KIAA0513: variants seen among roughly 807,000 people sequenced by gnomAD.
KIAA0513 encodes the protein KIAA0513.
Under a neutral mutation model 56.5 loss-of-function variants are expected in KIAA0513, and 39 were observed. That is an observed-to-expected ratio of 0.69 (90% confidence interval 0.53 to 0.90). The LOEUF (loss-of-function observed/expected upper bound fraction) is 0.90, where lower values mean the gene tolerates loss of function less well. Ranked by LOEUF, KIAA0513 falls within the 40% of genes least tolerant of loss-of-function variation. The pLI, the probability that KIAA0513 is intolerant of heterozygous loss-of-function variation, is 0.00. For synonymous variants in KIAA0513, 268 were observed against 215.6 expected (o/e 1.24, Z -2.13); for missense variants, 591 against 535.2 (o/e 1.10, Z -1.03).
intron 1 of KIAA0513, among the ~76,000 whole-genome samples, chr16:85,037,346 G>A (rs577603143): frequency 6.6e-6 from 1 of 152,102 alleles, no homozygotes; most frequent in Non-Finnish European, 1.5e-5. Context: ...CTGTGACGCT[G>A]ACTTCCTTGA....
intron 1 of KIAA0513, among the ~76,000 whole-genome samples, chr16:85,036,469 C>G (rs1185619244): frequency 6.6e-6 from 1 of 152,128 alleles, no homozygotes; most frequent in Non-Finnish European, 1.5e-5. Context: ...TAGTTCATTG[C>G]TATTGTAGCA....
chr16:85,056,661 G>C (rs1048833414), intron 1 of KIAA0513, among the ~76,000 whole-genome samples: 2 of 152,088 alleles, frequency 1.3e-5, no homozygotes, highest in African/African-American at 4.8e-5. Context: ...CACTGGTTAC[G>C]GTGCTGGCCC....
intron 1 of KIAA0513, among the ~76,000 whole-genome samples, chr16:85,029,681 A>G (rs1288580128): frequency 6.6e-6 from 1 of 152,262 alleles, no homozygotes; most frequent in African/African-American, 2.4e-5. Context: ...ATCAGGTTAA[A>G]AGAAACACGA....
Position 85,081,299 on chromosome 16 carries a change from G to C in KIAA0513, c.903-16G>C. On this transcript the variant is annotated splice_polypyrimidine_tract_variant and intron_variant, in intron 8 of 12. Transcript: ENST00000683363. This position sits in a 1 kb window ranked among gnomAD's most constrained non-coding sequence, Gnocchi z 4.4. ...CCTCCCCTTGGAGAGAGTGTGACTG[G>C]GGCTCTGTCTTGCAGGCACACTCTG... The C allele has an allele frequency of 6.8e-6, 11 of 1,612,750 alleles. No homozygotes were observed. Among genetic ancestry groups the C allele is most frequent in the Non-Finnish European group, 9.3e-6 (11 of 1,179,260 alleles).
rs2073749322 is a variant in KIAA0513 at position 85,081,888 on chromosome 16, C to T, written c.980+496C>T. ...TCACCGAGGGCCACCTCGCACGTGG[C>T]AGAGGGGAGGGGCTGGCACCCACCC... On this transcript the variant is annotated intron_variant, in intron 9 of 12. Transcript: ENST00000683363. This position sits in a 1 kb window ranked among gnomAD's most constrained non-coding sequence, Gnocchi z 4.4. Among the ~76,000 whole-genome samples the T allele has an allele frequency of 6.6e-6, 1 of 152,230 alleles. No individual in the cohort carries two copies. Among genetic ancestry groups the T allele is most frequent in the African/African-American group, 2.4e-5 (1 of 41,460 alleles).
At chr16:85,034,408 T>C (rs1043773134) in intron 1 of KIAA0513, among the ~76,000 whole-genome samples, 3 of 152,110 alleles carry the variant, frequency 2.0e-5, no homozygotes, top group Non-Finnish European at 4.4e-5. Flanking sequence ...ACAAAAAAGC[T>C]GATGACTGTA....
chr16:85,044,723 A>G (rs1438076625), intron 1 of KIAA0513, among the ~76,000 whole-genome samples: 1 of 151,634 alleles, frequency 6.6e-6, no homozygotes, highest in African/African-American at 2.4e-5. Context: ...GGCCAGGCTG[A>G]TCTCAAACTC....
At chr16:85,067,506 G>A in intron 2 of KIAA0513, 106 bp downstream of exon 2, 1 of 883,962 alleles carries the variant, frequency 1.1e-6, no homozygotes, top group Non-Finnish European at 1.7e-6. Context: ...CCTGGGACCA[G>A]AGCTTCCATT....
intron 1 of KIAA0513, among the ~76,000 whole-genome samples, chr16:85,029,897 G>C (rs578050398): frequency 8.5e-5 from 13 of 152,238 alleles, no homozygotes; most frequent in Non-Finnish European, 1.9e-4. Context: ...CCATGTCATA[G>C]ATGAGGAAAC....
Position 85,066,982 on chromosome 16 carries a change from T to A in KIAA0513, c.-90T>A. The A allele has an allele frequency of 8.6e-7, 1 of 1,167,840 alleles. No homozygotes were observed. The highest frequency in any genetic ancestry group is 2.5e-5 in the East Asian group (1 of 40,760). 72.3% of individuals were successfully genotyped at this position (1,167,840 alleles called of 1,614,324 possible). A position where few individuals can be genotyped will look rare whatever the true frequency, so the allele number is the denominator to read the frequency against. On this transcript the variant is annotated 5_prime_UTR_variant, in exon 2 of 13. Coordinates refer to ENST00000683363, the MANE Select transcript of KIAA0513 (RefSeq NM_001388359.1). Reference sequence around the variant, plus strand: ...CTGGCAACTTGTGAGCTTGGTGGGCTCCTACTAACGCACCTGGGACACCAG... The same window carrying A: ...CTGGCAACTTGTGAGCTTGGTGGGCACCTACTAACGCACCTGGGACACCAG...
intron 10 of KIAA0513, among the ~76,000 whole-genome samples, chr16:85,086,277 G>A (rs1252603334): frequency 2.6e-5 from 4 of 152,224 alleles, no homozygotes; most frequent in Non-Finnish European, 4.4e-5. Flanking sequence ...TTTCTCCCCT[G>A]AGGACAGGCC....
At position 85,031,317 on chromosome 16, in the gene KIAA0513, C is replaced by T. The variant is rs189211442; in HGVS notation, c.-173+3459C>T. Among the ~76,000 whole-genome samples the T allele has an allele frequency of 6.6e-5, 10 of 152,108 alleles. 1 individual carries two copies. The East Asian group carries it at 1.7e-3, about 26-fold the overall frequency. On this transcript the variant is annotated intron_variant, in intron 1 of 12. Transcript: ENST00000683363. ...GCAACATGGCAAAACCCCGTCTTTACCAAAAAATAAACAAAAATTAGCCAG... is the reference window on the plus strand; with the variant it reads ...GCAACATGGCAAAACCCCGTCTTTATCAAAAAATAAACAAAAATTAGCCAG...
rs779806897 is a variant in KIAA0513 at position 85,081,270 on chromosome 16, C to G, written c.903-45C>G. ...CAAGGGGCCCACAACCCGTGTCCTC[C>G]CCGCCTCCCCTTGGAGAGAGTGTGA... On this transcript the variant is annotated intron_variant, in intron 8 of 12. Transcript: ENST00000683363. The surrounding 1 kb of genome is among the most constrained non-coding windows in gnomAD (Gnocchi z 4.4). The G allele has an allele frequency of 6.3e-7, 1 of 1,585,678 alleles. No individual in the cohort carries two copies. Among genetic ancestry groups the G allele is most frequent in the South Asian group, 1.1e-5 (1 of 90,324 alleles).
At chr16:85,041,496 G>A (rs2073103149) in intron 1 of KIAA0513, among the ~76,000 whole-genome samples, 1 of 152,174 alleles carries the variant, frequency 6.6e-6, no homozygotes, top group African/African-American at 2.4e-5. Context: ...GCTTGGGAAA[G>A]GAAGGGTCAT....
chr16:85,068,818 T>C (rs1454381770), intron 2 of KIAA0513, among the ~76,000 whole-genome samples: 1 of 152,124 alleles, frequency 6.6e-6, no homozygotes, highest in African/African-American at 2.4e-5. Flanking sequence ...TTCTTTTCCC[T>C]CCGCCAACGC....
chr16:85,075,962 T>C lies in KIAA0513; in HGVS notation c.574+48T>C, dbSNP rs777166194. On this transcript the variant is annotated intron_variant, in intron 5 of 12. Coordinates refer to ENST00000683363, the MANE Select transcript of KIAA0513 (RefSeq NM_001388359.1). ...TGGGGCTCACCTGAGGCTAGTCTGC[T>C]GATAATATGGTGTCAGAGGAAGCTT... The C allele has an allele frequency of 2.1e-6, 3 of 1,404,382 alleles. No individual in the cohort carries two copies. The South Asian group carries it at 3.5e-5, about 16-fold the overall frequency. 87.0% of individuals were successfully genotyped at this position (1,404,382 alleles called of 1,614,324 possible).
chr16:85,070,731 A>T (rs755860815), intron 2 of KIAA0513, among the ~76,000 whole-genome samples: 2 of 152,228 alleles, frequency 1.3e-5, no homozygotes, highest in Non-Finnish European at 2.9e-5. Flanking sequence ...AGTGCATTTT[A>T]GGAGAGCAGA....
intron 5 of KIAA0513, among the ~76,000 whole-genome samples, chr16:85,077,120 C>G (rs1208096112): frequency 6.6e-6 from 1 of 152,192 alleles, no homozygotes; most frequent in African/African-American, 2.4e-5. Flanking sequence ...GGGCCTCTGC[C>G]CTCGCCTGCC....
At chr16:85,032,592 C>T (rs1269832867) in intron 1 of KIAA0513, among the ~76,000 whole-genome samples, 1 of 152,072 alleles carries the variant, frequency 6.6e-6, no homozygotes, top group South Asian at 2.1e-4. Context: ...CTTGGCCTCT[C>T]AAGTGGTGGG....
Sources: gnomAD v4.1 joint callset for allele counts (sites outside exome capture counted in the v4.1 genomes callset) on GRCh38, gnomAD v4.1.1 for gene constraint, Gnocchi (gnomAD v3.1) non-coding constraint, MANE v1.5 for transcripts, NCBI Gene and HGNC (gene_info 2026-07-23, HGNC 2026-07-21) for gene names.